Variants in PACRG observed in about 807,000 individuals in gnomAD.
The protein encoded by PACRG is parkin coregulated gene protein.
A neutral mutation model predicts 29.7 loss-of-function variants in PACRG; 29 were observed. The ratio of observed to expected loss-of-function variants is 0.98; its 90% confidence interval spans 0.73 to 1.33. The LOEUF is 1.33. Ranked by LOEUF, PACRG falls within the 40% of genes most tolerant of loss-of-function variation. The probability of loss-of-function intolerance (pLI) is 0.00; values close to 1 mark genes in which losing one functional copy is unlikely to be tolerated. For missense variants in PACRG, 279 were observed against 316.2 expected (o/e 0.88, Z 0.89); for synonymous variants, 116 against 118.7 (o/e 0.98, Z 0.15).
At chr6:162,892,557 C>T (rs1357171305) in intron 2 of PACRG, among the ~76,000 whole-genome samples, 4 of 152,240 alleles carry the variant, frequency 2.6e-5, no homozygotes, top group East Asian at 1.9e-4. Context: ...AGTGCACCCC[C>T]GTGAGCCCAG....
At position 162,885,416 on chromosome 6, in the gene PACRG, C is replaced by T. The variant is rs1055138173; in HGVS notation, c.291+71135C>T. Among the ~76,000 whole-genome samples, 37 of 152,060 alleles carry T rather than the reference C, an allele frequency of 2.4e-4. 1 individual carries two copies. Among genetic ancestry groups the T allele is most frequent in the African/African-American group, 8.7e-4 (36 of 41,494 alleles). ...TCCCAAGTAGCTGGGATTATAGGAG[C>T]GTGCCACAACACCTGGATAGTTTTT... On this transcript the variant is annotated intron_variant, in intron 2 of 4. Transcript: ENST00000366888.
chr6:163,226,664 G>C (rs761589361), intron 4 of PACRG, among the ~76,000 whole-genome samples: 9 of 152,140 alleles, frequency 5.9e-5, no homozygotes, highest in Non-Finnish European at 1.0e-4. Context: ...GGGTAACCTT[G>C]AGTGAAGCAG....
intron 4 of PACRG, among the ~76,000 whole-genome samples, chr6:163,130,611 A>G (rs1267753090): frequency 6.6e-6 from 1 of 152,216 alleles, no homozygotes; most frequent in Non-Finnish European, 1.5e-5. Context: ...AGACTTTATC[A>G]GTGATTTTCA....
chr6:163,224,071 A>G (rs1485336597), intron 4 of PACRG, among the ~76,000 whole-genome samples: 1 of 152,270 alleles, frequency 6.6e-6, no homozygotes, highest in Non-Finnish European at 1.5e-5. Context: ...ACGTTGAGCA[A>G]AAAGAACAAA....
At chr6:162,870,861 C>T (rs530665322) in intron 2 of PACRG, among the ~76,000 whole-genome samples, 2 of 152,302 alleles carry the variant, frequency 1.3e-5, no homozygotes, top group East Asian at 3.9e-4. Flanking sequence ...ATAGCTCTCT[C>T]CTGATCTCTA....
chr6:163,278,151 A>C (rs1345106862), intron 4 of PACRG, among the ~76,000 whole-genome samples: 1 of 152,006 alleles, frequency 6.6e-6, no homozygotes, highest in African/African-American at 2.4e-5. Context: ...AGAATTGTCT[A>C]TTCATATCCT....
At chr6:163,145,506 C>T (rs535717983) in intron 4 of PACRG, among the ~76,000 whole-genome samples, 22 of 152,290 alleles carry the variant, frequency 1.4e-4, no homozygotes, top group African/African-American at 5.3e-4. Context: ...CACTTGTTTT[C>T]CTGTCCTATG....
intron 2 of PACRG, among the ~76,000 whole-genome samples, chr6:162,847,800 G>C (rs1790529780): frequency 6.6e-6 from 1 of 152,050 alleles, no homozygotes; most frequent in Non-Finnish European, 1.5e-5. Context: ...GCAGGGCTCA[G>C]GAGGAGGATA....
At chr6:163,040,422 C>T (rs1030076913) in intron 2 of PACRG, among the ~76,000 whole-genome samples, 11 of 152,250 alleles carry the variant, frequency 7.2e-5, no homozygotes, top group Admixed American at 1.3e-4. Context: ...ACAGAGTCCC[C>T]ACTGGGGCAC....
chr6:162,982,123 TG>T (rs1279180548), intron 2 of PACRG, among the ~76,000 whole-genome samples: 1 of 152,012 alleles, frequency 6.6e-6, no homozygotes, highest in Non-Finnish European at 1.5e-5. Flanking sequence ...TGTATTTCTC[TG>T]GTATCGGTTA....
intron 4 of PACRG, among the ~76,000 whole-genome samples, chr6:163,216,739 G>A (rs1333364157): frequency 2.6e-5 from 4 of 152,208 alleles, no homozygotes; most frequent in Non-Finnish European, 4.4e-5. Flanking sequence ...AGATGCTGTC[G>A]TATTTGGCAA....
chr6:163,212,656 T>A (rs1391511650), intron 4 of PACRG, among the ~76,000 whole-genome samples: 2 of 152,122 alleles, frequency 1.3e-5, no homozygotes, highest in Admixed American at 1.3e-4. Context: ...CATATTAATA[T>A]AAATGAATAA....
chr6:163,210,843 G>A (rs1317475486), intron 4 of PACRG, among the ~76,000 whole-genome samples: 1 of 152,196 alleles, frequency 6.6e-6, no homozygotes, highest in African/African-American at 2.4e-5. Flanking sequence ...GTGAATAGCT[G>A]TATTGGGGGG....
At chr6:163,285,733 A>C (rs1321357911) in intron 4 of PACRG, among the ~76,000 whole-genome samples, 1 of 152,236 alleles carries the variant, frequency 6.6e-6, no homozygotes, top group African/African-American at 2.4e-5. Flanking sequence ...TGCCTGTGTC[A>C]TAAGGAGCAG....
At chr6:163,121,776 C>T (rs1280484486) in intron 4 of PACRG, among the ~76,000 whole-genome samples, 1 of 151,388 alleles carries the variant, frequency 6.6e-6, no homozygotes, top group Non-Finnish European at 1.5e-5. Context: ...CACCATTCTG[C>T]CTCAGCCTCC....
chr6:162,995,085 G>A (rs1803856868), intron 2 of PACRG, among the ~76,000 whole-genome samples: 1 of 151,234 alleles, frequency 6.6e-6, no homozygotes, highest in Non-Finnish European at 1.5e-5. Flanking sequence ...ACTTGAGGAG[G>A]CAGTCCGCCC....
intron 4 of PACRG, among the ~76,000 whole-genome samples, chr6:163,124,080 C>T (rs1476137931): frequency 1.3e-5 from 2 of 152,210 alleles, no homozygotes; most frequent in Non-Finnish European, 2.9e-5. Flanking sequence ...ATAGTGGCAG[C>T]AGTATGTATT....
Position 162,861,477 on chromosome 6 carries a change from A to G in PACRG, c.291+47196A>G, listed in dbSNP as rs149916162. ...TATATAATGTCTTGTATATTCCTCA[A>G]ATTTTTATTATTTCCTTTAACTTCC... is the stretch of plus-strand genomic sequence containing the variant. On this transcript the variant is annotated intron_variant, in intron 2 of 4. Coordinates refer to ENST00000366888, the MANE Select transcript of PACRG (RefSeq NM_001080379.2). 3.1e-3 allele frequency among the ~76,000 whole-genome samples: 475 copies of G among 152,278 alleles called. 3 individuals are homozygous for G. Among genetic ancestry groups the G allele is most frequent in the Middle Eastern group, 0.014 (4 of 294 alleles).
rs543961970 is a variant in PACRG at position 163,148,114 on chromosome 6, T to C, written c.613+58706T>C. On this transcript the variant is annotated intron_variant, in intron 4 of 4. Transcript: ENST00000366888. ...AGACGTGTTAGAAATTTGCACTAAG[T>C]CACAGATGCTTATAGTGTGTGTGTT... Among the ~76,000 whole-genome samples the C allele has an allele frequency of 1.2e-4, 19 of 152,302 alleles. No homozygotes were observed. The East Asian group carries it at 3.5e-3, about 28-fold the overall frequency.
Sources: allele counts gnomAD v4.1 joint callset (sites outside exome capture counted in the v4.1 genomes callset), GRCh38; gene constraint gnomAD v4.1.1; transcripts MANE v1.5; gene names NCBI Gene and HGNC (gene_info 2026-07-23, HGNC 2026-07-21).